MAST3: variants seen among roughly 807,000 people sequenced by gnomAD.
MAST3 encodes microtubule associated serine/threonine kinase 3.
In MAST3, 43 loss-of-function variants were observed where a neutral mutation model predicts 127.0. The observed-to-expected ratio is 0.34, with a 90% CI of 0.27 to 0.44. The LOEUF (loss-of-function observed/expected upper bound fraction) is 0.44, where lower values mean the gene tolerates loss of function less well. Among genes scored for constraint, MAST3 ranks in the 20% least tolerant of loss-of-function variants. The pLI, the probability that MAST3 is intolerant of heterozygous loss-of-function variation, is 1.00. For missense variants in MAST3, 1,390 were observed against 1,919.1 expected (o/e 0.72, Z 5.15); for synonymous variants, 785 against 809.2 (o/e 0.97, Z 0.51).
intron 2 of MAST3, chr19:18,109,929 G>T (rs943470244): frequency 2.0e-6 from 2 of 984,868 alleles, no homozygotes; most frequent in African/African-American, 3.5e-5. Context: ...GGGGCGGGGA[G>T]AGGCGGGGTC....
chr19:18,128,742 G>T, intron 12 of MAST3, 124 bp from the exon 13 acceptor site: 1 of 756,010 alleles, frequency 1.3e-6, no homozygotes, highest in Non-Finnish European at 2.2e-6. Context: ...AAGCTGAGTT[G>T]GAGAAGTTTG....
intron 15 of MAST3, among the ~76,000 whole-genome samples, chr19:18,132,765 A>G (rs190737599): frequency 4.5e-4 from 69 of 152,338 alleles, no homozygotes; most frequent in Admixed American, 3.6e-3. Flanking sequence ...AAGAACTGAC[A>G]TTTCTCACAT....
Position 18,134,982 on chromosome 19 carries a change from G to A in MAST3, c.1870G>A (p.Asp624Asn). The A allele has an allele frequency of 3.1e-6, 5 of 1,603,520 alleles. No homozygotes were observed. The highest frequency in any genetic ancestry group is 1.7e-5 in the Admixed American group (1 of 59,414). ...PEELFGQVVSDEIMWPEGDEA... is the reference protein window; with the variant it reads ...PEELFGQVVSNEIMWPEGDEA... ...GGAACTCTTCGGTCAGGTGGTCAGC[G>A]GTGCGTTTCCTCCACGGGCCTGGGT... Residue 624 changes from aspartate (D) to asparagine (N), a missense_variant and splice_region_variant, in exon 17 of 28, where the codon GAT becomes AAT. Around this residue, in one of 5 missense-constraint regions of MAST3, gnomAD observed 191 missense variants for 409.0 expected, o/e 0.47. Coordinates refer to ENST00000687212, the MANE Select transcript of MAST3 (RefSeq NM_001393504.1).
chr19:18,113,947 C>T (rs368780048), intron 3 of MAST3, among the ~76,000 whole-genome samples: 27 of 152,234 alleles, frequency 1.8e-4, no homozygotes, highest in African/African-American at 6.3e-4. Context: ...GCTCACTTGG[C>T]TCCAGCCACA....
At chr19:18,129,179 G>T in intron 13 of MAST3, 1 of 560,138 alleles carries the variant, frequency 1.8e-6, no homozygotes, top group Non-Finnish European at 3.2e-6. Context: ...TGCCCCAGGT[G>T]TAGGGCGTTC....
chr19:18,114,578 C>T (rs1347641548), intron 3 of MAST3, among the ~76,000 whole-genome samples: 1 of 152,186 alleles, frequency 6.6e-6, no homozygotes, highest in Non-Finnish European at 1.5e-5. Flanking sequence ...CGAGACCAGA[C>T]CTTGTCTGTC....
rs998011748 is a variant in MAST3, at chr19:18,128,931, C to T, written c.1203C>T (p.Leu401=). The T allele has an allele frequency of 6.2e-7, 1 of 1,614,000 alleles. No homozygotes were observed. The highest frequency in any genetic ancestry group is 1.1e-5 in the South Asian group (1 of 91,082). ...PCESDFETIK[L]ISNGAYGAVY... is the part of the protein sequence containing the mutation. The stretch of plus-strand genomic sequence containing the variant: ...AAAGCGACTTTGAGACCATCAAACT[C>T]ATTAGCAACGGAGCCTATGGGTGAG... Residue 401 remains leucine, a synonymous_variant, in exon 13 of 28, where the codon CTC becomes CTT. Coordinates refer to ENST00000687212, the MANE Select transcript of MAST3 (RefSeq NM_001393504.1).
rs1487181293 is a variant in MAST3, at chr19:18,150,540, C to T, written c.*814C>T. The T allele has an allele frequency of 6.6e-6, 1 of 152,234 alleles. No homozygotes were observed. Among genetic ancestry groups the T allele is most frequent in the African/African-American group, 2.4e-5 (1 of 41,452 alleles). The allele number at this position is 152,234 out of a possible 1,614,324, so 9.4% of individuals were successfully genotyped here. The stretch of plus-strand genomic sequence containing the variant: ...GATGGAGTTGAAGTCACCTGGTCAC[C>T]TGTACCGGCCCAGTTCGGCTACAAC... On this transcript the variant is annotated 3_prime_UTR_variant, in exon 28 of 28. Transcript: ENST00000687212.
chr19:18,116,032 G>A (rs1304456636), intron 3 of MAST3, among the ~76,000 whole-genome samples: 1 of 151,148 alleles, frequency 6.6e-6, no homozygotes, highest in African/African-American at 2.4e-5. Flanking sequence ...GGCTAAAGTC[G>A]CCCCTTGCAG....
intron 18 of MAST3, among the ~76,000 whole-genome samples, chr19:18,136,356 G>T (rs149934903): frequency 1.3e-5 from 2 of 152,136 alleles, no homozygotes; most frequent in Non-Finnish European, 2.9e-5. Context: ...TTCTCTAGGC[G>T]GTGTGGTCCC....
intron 27 of MAST3, among the ~76,000 whole-genome samples, chr19:18,148,811 G>A (rs1046260905): frequency 5.9e-5 from 9 of 151,966 alleles, no homozygotes; most frequent in Non-Finnish European, 1.2e-4. Context: ...GCCGAGGCAC[G>A]AGAATCATTT....
intron 1 of MAST3, among the ~76,000 whole-genome samples, chr19:18,100,126 C>CTTTTTTTTTTTTTTTTTTT (rs201140700): frequency 3.4e-5 from 4 of 117,002 alleles, no homozygotes; most frequent in Admixed American, 1.0e-4. Context: ...CTCTCTCTCT[C>CTTTTTTTTTTTTTTTTTTT]TCTTTTTTTT....
chr19:18,117,111 C>G (rs1422704947), intron 3 of MAST3, among the ~76,000 whole-genome samples: 2 of 151,818 alleles, frequency 1.3e-5, no homozygotes, highest in Admixed American at 6.6e-5. Flanking sequence ...CCATAGTGAA[C>G]ACATATTGTA....
Position 18,141,954 on chromosome 19 carries a change from C to T in MAST3, c.2278C>T (p.Arg760Trp), listed in dbSNP as rs772600136. ...TFAERSFSED[R>W]EEGWERSEVD... is the part of the protein sequence containing the mutation. ...CGCTGAAAGGAGCTTCAGTGAAGAC[C>T]GGGAGGAGGGGTGGGAGCGCAGCGA... Residue 760 changes from arginine to tryptophan, a missense_variant, in exon 21 of 28, where the codon CGG (arginine) becomes TGG (tryptophan). Arg to Trp is a moderately radical substitution (Grantham distance 101). Around this residue, in one of 5 missense-constraint regions of MAST3, gnomAD observed 816 missense variants for 934.1 expected, o/e 0.87. Transcript: ENST00000687212. 23 of 1,557,156 alleles carry T rather than the reference C, an allele frequency of 1.5e-5. No homozygotes were observed. The highest frequency in any genetic ancestry group is 1.8e-5 in the Admixed American group (1 of 55,218).
rs56052621 is a variant in MAST3, at chr19:18,122,679, C to T, written c.327C>T (p.Asp109=). 333 of 1,612,994 alleles carry T rather than the reference C, an allele frequency of 2.1e-4. No individual in the cohort carries two copies. Among genetic ancestry groups the T allele is most frequent in the Middle Eastern group, 1.2e-3 (7 of 6,062 alleles). ...ALNFPFARRA[D]GRRWSLASLP... ...TTCTTGTTCCCCTCTCCAGGGCAGA[C>T]GGCAGAAGATGGTCCCTCGCGTCTC... The change falls in exon 6 of 28, where the codon GAC becomes GAT. Residue 109 remains aspartate, a synonymous_variant. Coordinates refer to ENST00000687212, the MANE Select transcript of MAST3 (RefSeq NM_001393504.1).
intron 3 of MAST3, among the ~76,000 whole-genome samples, chr19:18,114,511 C>T (rs1170522375): frequency 6.6e-6 from 1 of 152,186 alleles, no homozygotes; most frequent in Non-Finnish European, 1.5e-5. Context: ...TTAATTTCCA[C>T]ATTGTCTTGT....
chr19:18,101,344 C>CCTG (rs944492181), intron 1 of MAST3, among the ~76,000 whole-genome samples: 8 of 143,988 alleles, frequency 5.6e-5, no homozygotes, highest in Non-Finnish European at 3.1e-5. Flanking sequence ...TTTTCCTCCT[C>CCTG]CTCCTCCTCC....
chr19:18,120,042 C>G (rs1231605933), intron 3 of MAST3, among the ~76,000 whole-genome samples: 2 of 152,130 alleles, frequency 1.3e-5, no homozygotes, highest in African/African-American at 2.4e-5. Flanking sequence ...CAACTTCCTT[C>G]TGTCAAGGTG....
At chr19:18,108,484 C>G (rs1174900468) in intron 2 of MAST3, among the ~76,000 whole-genome samples, 2 of 151,646 alleles carry the variant, frequency 1.3e-5, no homozygotes, top group Non-Finnish European at 2.9e-5. Flanking sequence ...AGAGAGTCTC[C>G]CGCCTCAGCC....
Sources: gnomAD v4.1 joint callset for allele counts (sites outside exome capture counted in the v4.1 genomes callset) on GRCh38, gnomAD v4.1.1 for gene constraint, gnomAD v4.1.1 regional missense constraint, MANE v1.5 for transcripts, NCBI Gene and HGNC (gene_info 2026-07-23, HGNC 2026-07-21) for gene names.